Variants in GRM5 observed in about 807,000 individuals in gnomAD.
GRM5 encodes glutamate metabotropic receptor 5.
A neutral mutation model predicts 83.1 loss-of-function variants in GRM5; 19 were observed. The observed-to-expected ratio is 0.23, with a 90% CI of 0.16 to 0.34. The LOEUF is 0.34. Among genes scored for constraint, GRM5 ranks in the 10% least tolerant of loss-of-function variants. The pLI, the probability that GRM5 is intolerant of heterozygous loss-of-function variation, is 1.00. For missense variants in GRM5, 1,160 were observed against 1,588.3 expected (o/e 0.73, Z 4.58); for synonymous variants, 675 against 633.6 (o/e 1.07, Z -0.98).
At chr11:88,712,102 C>T (rs974337) in intron 3 of GRM5, among the ~76,000 whole-genome samples, 25,665 of 151,942 alleles carry the variant, frequency 0.17, 2,264 homozygotes, top group Middle Eastern at 0.21. Context: ...GGAGAACTTT[C>T]CTTGCAAGTC....
chr11:88,523,155 G>A (rs911713800), intron 9 of GRM5, among the ~76,000 whole-genome samples: 1 of 152,158 alleles, frequency 6.6e-6, no homozygotes, highest in Admixed American at 6.5e-5. Flanking sequence ...GCCACAAACA[G>A]CTCCATGTCA....
At chr11:89,007,709 C>A (rs1422697261) in intron 2 of GRM5, among the ~76,000 whole-genome samples, 1 of 152,068 alleles carries the variant, frequency 6.6e-6, no homozygotes, top group Non-Finnish European at 1.5e-5. Context: ...TGTTTAAGAA[C>A]CTCTGGTAGC....
chr11:89,048,075 GA>G lies in GRM5; in HGVS notation c.-200-4del, dbSNP rs72379871. On this transcript the variant is annotated splice_polypyrimidine_tract_variant and splice_region_variant and intron_variant, in intron 1 of 9. Transcript: ENST00000305447. The stretch of plus-strand genomic sequence containing the variant: ...CATGTGGTCATGATCTTCTAAACCT[GA>G]AAAAAAAAAAATAACATGGGTCTTT... 0.067 allele frequency: 26,014 copies of G among 386,320 alleles called. 40 individuals are homozygous for G. The highest frequency in any genetic ancestry group is 0.081 in the South Asian group (1,905 of 23,502). The allele number at this position is 386,320 out of a possible 1,614,324, so 23.9% of individuals were successfully genotyped here. A position where few individuals can be genotyped will look rare whatever the true frequency, so the allele number is the denominator to read the frequency against.
intron 2 of GRM5, among the ~76,000 whole-genome samples, chr11:89,003,647 C>A (rs957617820): frequency 2.0e-5 from 3 of 151,862 alleles, no homozygotes; most frequent in East Asian, 1.9e-4. Context: ...AGGAAATCTG[C>A]TAAGACCCCG....
At chr11:88,543,252 A>C (rs929095697) in intron 8 of GRM5, among the ~76,000 whole-genome samples, 3 of 152,200 alleles carry the variant, frequency 2.0e-5, no homozygotes, top group Non-Finnish European at 2.9e-5. Flanking sequence ...AAAAGACATG[A>C]TATTCTTTAT....
chr11:88,696,513 A>G (rs1291948602), intron 3 of GRM5, among the ~76,000 whole-genome samples: 2 of 152,214 alleles, frequency 1.3e-5, no homozygotes, highest in Admixed American at 6.5e-5. Context: ...TGATTTGAAC[A>G]TTAAATAATC....
chr11:88,578,536 G>C lies in GRM5; in HGVS notation c.1691-10544C>G, dbSNP rs531772743. Among the ~76,000 whole-genome samples, 4 of 152,110 alleles carry C rather than the reference G, an allele frequency of 2.6e-5. 1 individual carries two copies. The highest frequency in any genetic ancestry group is 9.7e-5 in the African/African-American group (4 of 41,442). ...AAGAACATGGTGAACATTTTTCATC[G>C]AGTGGTTTCTGGCAAGATGAAAACT... On this transcript the variant is annotated intron_variant, in intron 7 of 9. Transcript: ENST00000305447.
rs1235501770 is a variant in GRM5, at chr11:88,799,405, A to G, written c.911+50501T>C. On this transcript the variant is annotated intron_variant, in intron 3 of 9. Coordinates refer to ENST00000305447, the MANE Select transcript of GRM5 (RefSeq NM_001143831.3). Reference sequence around the variant, plus strand: ...TATCATTTTTTGTAACTATCTATATATGTATACTTCAAGAGAATTAGGCAC... The same window carrying G: ...TATCATTTTTTGTAACTATCTATATGTGTATACTTCAAGAGAATTAGGCAC... Among the ~76,000 whole-genome samples, 4 of 152,164 alleles carry G rather than the reference A, an allele frequency of 2.6e-5. No homozygotes were observed. In the East Asian group the frequency reaches 5.8e-4, roughly 22 times the overall value.
At chr11:88,728,747 C>T (rs1941739659) in intron 3 of GRM5, among the ~76,000 whole-genome samples, 1 of 152,178 alleles carries the variant, frequency 6.6e-6, no homozygotes, top group Non-Finnish European at 1.5e-5. Flanking sequence ...CACAATCCAT[C>T]ACATAAACAG....
chr11:88,634,627 T>C (rs1032525824), intron 4 of GRM5, among the ~76,000 whole-genome samples: 1 of 152,312 alleles, frequency 6.6e-6, no homozygotes, highest in Middle Eastern at 3.4e-3. Flanking sequence ...TCTCCTATGA[T>C]AACAATACTT....
intron 3 of GRM5, among the ~76,000 whole-genome samples, chr11:88,808,349 G>T (rs1224906081): frequency 1.3e-5 from 2 of 151,802 alleles, no homozygotes; most frequent in African/African-American, 2.4e-5. Context: ...CAGCATGCAG[G>T]GTATGTATTT....
intron 2 of GRM5, among the ~76,000 whole-genome samples, chr11:88,933,935 T>C (rs1937805341): frequency 6.6e-6 from 1 of 151,756 alleles, no homozygotes; most frequent in Admixed American, 6.6e-5. Flanking sequence ...CTGGGCCTAT[T>C]AAAATTAAAA....
chr11:88,788,869 T>C (rs982550310), intron 3 of GRM5, among the ~76,000 whole-genome samples: 1 of 151,176 alleles, frequency 6.6e-6, no homozygotes, highest in African/African-American at 2.5e-5. Context: ...CAAGAAAACG[T>C]GTGAAATCCT....
intron 2 of GRM5, among the ~76,000 whole-genome samples, chr11:88,917,007 C>T (rs1945606991): frequency 6.6e-6 from 1 of 152,132 alleles, no homozygotes; most frequent in African/African-American, 2.4e-5. Flanking sequence ...CATAGCCAGA[C>T]ACTAGTCACC....
chr11:88,552,467 C>T (rs960853814), intron 8 of GRM5, among the ~76,000 whole-genome samples: 14 of 152,192 alleles, frequency 9.2e-5, no homozygotes, highest in African/African-American at 3.4e-4. Context: ...ACCACTGCTT[C>T]TGCAAAAGTT....
intron 2 of GRM5, among the ~76,000 whole-genome samples, chr11:88,967,865 A>G (rs1189784503): frequency 1.3e-5 from 2 of 152,112 alleles, no homozygotes; most frequent in African/African-American, 4.8e-5. Flanking sequence ...GACCAAGAGG[A>G]AGGAAATACC....
chr11:88,772,614 T>G (rs1942762698), intron 3 of GRM5, among the ~76,000 whole-genome samples: 1 of 151,896 alleles, frequency 6.6e-6, no homozygotes, highest in Non-Finnish European at 1.5e-5. Context: ...CCCATACCCC[T>G]ACAGGCCTCA....
intron 2 of GRM5, among the ~76,000 whole-genome samples, chr11:88,929,762 A>C (rs556882811): frequency 1.3e-5 from 2 of 152,144 alleles, no homozygotes; most frequent in Non-Finnish European, 2.9e-5. Flanking sequence ...TTCTAATTAC[A>C]TATGAATAGT....
Position 88,776,880 on chromosome 11 carries a change from T to G in GRM5, c.911+73026A>C, listed in dbSNP as rs752139057. 8.9e-4 allele frequency among the ~76,000 whole-genome samples: 135 copies of G among 152,208 alleles called. 2 individuals are homozygous for G. The highest frequency in any genetic ancestry group is 3.2e-3 in the Middle Eastern group (1 of 316). On this transcript the variant is annotated intron_variant, in intron 3 of 9. Coordinates refer to ENST00000305447, the MANE Select transcript of GRM5 (RefSeq NM_001143831.3). ...TCTGTCTGCCCTTAACACTTTTTCCTTCATTTCAACCTTGGCAAATCTGAC... is the reference window on the plus strand; with the variant it reads ...TCTGTCTGCCCTTAACACTTTTTCCGTCATTTCAACCTTGGCAAATCTGAC...
Sources: gnomAD v4.1 joint callset for allele counts (sites outside exome capture counted in the v4.1 genomes callset) on GRCh38, gnomAD v4.1.1 for gene constraint, MANE v1.5 for transcripts, NCBI Gene and HGNC (gene_info 2026-07-23, HGNC 2026-07-21) for gene names.